RAD51B: variants seen among roughly 807,000 people sequenced by gnomAD.
The protein encoded by RAD51B is DNA repair protein RAD51 homolog 2.
Under a neutral mutation model 42.2 loss-of-function variants are expected in RAD51B, and 38 were observed. That is an observed-to-expected ratio of 0.90 (90% CI 0.70 to 1.18). The LOEUF is 1.18. Ranked by LOEUF, RAD51B falls within the 50% of genes most tolerant of loss-of-function variation. RAD51B has a pLI of 0.00. For missense variants in RAD51B, 373 were observed against 400.7 expected, an observed-to-expected ratio of 0.93 and a Z score of 0.59; for synonymous variants, 154 against 145.2, an observed-to-expected ratio of 1.06 and a Z score of -0.43.
intron 7 of RAD51B, among the ~76,000 whole-genome samples, chr14:68,230,249 AAG>A (rs762243452): frequency 1.4e-4 from 22 of 152,314 alleles, no homozygotes; most frequent in Non-Finnish European, 2.1e-4. Context: ...GAAAGGAAAA[AAG>A]AGTAATTTTT....
At chr14:67,981,082 G>T (rs1297614804) in intron 7 of RAD51B, among the ~76,000 whole-genome samples, 1 of 152,126 alleles carries the variant, frequency 6.6e-6, no homozygotes, top group East Asian at 1.9e-4. Flanking sequence ...GAGTATGGTG[G>T]ATTACATCTG....
chr14:68,404,869 G>A (rs2084220858), intron 8 of RAD51B, among the ~76,000 whole-genome samples: 1 of 152,188 alleles, frequency 6.6e-6, no homozygotes, highest in Admixed American at 6.5e-5. Context: ...GCTCAGATGA[G>A]TGATAAGATC....
At chr14:67,825,008 G>A (rs1309280398) in intron 2 of RAD51B, among the ~76,000 whole-genome samples, 1 of 149,290 alleles carries the variant, frequency 6.7e-6, no homozygotes, top group East Asian at 2.0e-4. Context: ...AACCCAGGAG[G>A]TGGAGGTTGC....
chr14:68,339,713 G>A (rs995049428), intron 8 of RAD51B, among the ~76,000 whole-genome samples: 9 of 152,162 alleles, frequency 5.9e-5, no homozygotes, highest in Non-Finnish European at 1.2e-4. Context: ...AACATTGAAT[G>A]TACTGTTCTC....
At chr14:68,113,207 A>T (rs1309333443) in intron 7 of RAD51B, among the ~76,000 whole-genome samples, 1 of 152,146 alleles carries the variant, frequency 6.6e-6, no homozygotes, top group Non-Finnish European at 1.5e-5. Context: ...AAGACACTAT[A>T]TTGAAAGCTG....
At chr14:68,045,632 T>C (rs935749666) in intron 7 of RAD51B, among the ~76,000 whole-genome samples, 1 of 152,198 alleles carries the variant, frequency 6.6e-6, no homozygotes, top group Non-Finnish European at 1.5e-5. Flanking sequence ...AAATGTTCTG[T>C]ACCTGCACAT....
At chr14:67,841,070 GATT>G (rs1450952258) in intron 4 of RAD51B, among the ~76,000 whole-genome samples, 4 of 152,350 alleles carry the variant, frequency 2.6e-5, no homozygotes, top group Middle Eastern at 3.4e-3. Flanking sequence ...AAATTGCTGA[GATT>G]ATAGGCATGA....
rs1157224034 is a variant in RAD51B, at chr14:67,887,123, A to G, written c.675A>G (p.Gln225=). 6.2e-7 allele frequency: 1 copy of G among 1,610,282 alleles called. No homozygotes were observed. Among genetic ancestry groups the G allele is most frequent in the African/African-American group, 1.3e-5 (1 of 74,832 alleles). The change falls in exon 7 of 11, where the codon CAA becomes CAG. Residue 225 remains glutamine (Q), a synonymous_variant. Transcript: ENST00000471583. ...GAAAGGAGTTTGATGCACAACTTCA[A>G]GGCAATCTCAAAGAAAGAAACAAGT... ...VVRKEFDAQL[Q]GNLKERNKFL...
At chr14:68,550,959 C>A (rs1888528470) in intron 10 of RAD51B, among the ~76,000 whole-genome samples, 3 of 152,124 alleles carry the variant, frequency 2.0e-5, no homozygotes, top group Admixed American at 6.5e-5. Flanking sequence ...AATGAACATC[C>A]TAGCAGAGGG....
chr14:68,148,634 G>A lies in RAD51B; in HGVS notation c.757-143250G>A, dbSNP rs1595470953. ...AAATTTTGAATGTTGATCTTTTCCT[G>A]GGCTAGTGATATGTGTTACGATACT... On this transcript the variant is annotated intron_variant, in intron 7 of 10. Coordinates refer to ENST00000471583, the MANE Select transcript of RAD51B (RefSeq NM_133510.4). Among the ~76,000 whole-genome samples, 3 of 152,164 alleles carry A rather than the reference G, an allele frequency of 2.0e-5. No individual in the cohort carries two copies. In the East Asian group the frequency reaches 5.8e-4, roughly 29 times the overall value.
At chr14:68,503,585 G>A (rs942042883) in intron 10 of RAD51B, among the ~76,000 whole-genome samples, 3 of 152,166 alleles carry the variant, frequency 2.0e-5, no homozygotes, top group Non-Finnish European at 2.9e-5. Flanking sequence ...GAGAGGTGAC[G>A]AGAGGCTCTC....
chr14:68,498,945 A>G (rs1426211214), intron 10 of RAD51B, among the ~76,000 whole-genome samples: 1 of 152,112 alleles, frequency 6.6e-6, no homozygotes, highest in Non-Finnish European at 1.5e-5. Context: ...ATGGATCTCT[A>G]TGGTTGAATA....
intron 7 of RAD51B, among the ~76,000 whole-genome samples, chr14:68,087,914 A>ATT (rs2077015478): frequency 2.5e-5 from 3 of 122,120 alleles, no homozygotes; most frequent in African/African-American, 1.0e-4. Context: ...ATAATTATAT[A>ATT]ATATATTATA....
intron 7 of RAD51B, among the ~76,000 whole-genome samples, chr14:68,067,874 G>C (rs1052123474): frequency 2.7e-5 from 4 of 146,350 alleles, no homozygotes; most frequent in Non-Finnish European, 3.0e-5. Context: ...AGAGGTTGCG[G>C]TGAGTCATGA....
At chr14:68,311,583 CA>C (rs2081968671) in intron 8 of RAD51B, among the ~76,000 whole-genome samples, 1 of 152,136 alleles carries the variant, frequency 6.6e-6, no homozygotes, top group South Asian at 2.1e-4. Context: ...GTGAGGAGGA[CA>C]AGATTTAAAG....
chr14:68,435,876 A>AT (rs925629709), intron 9 of RAD51B, among the ~76,000 whole-genome samples: 16 of 151,710 alleles, frequency 1.1e-4, no homozygotes, highest in Admixed American at 9.8e-4. Flanking sequence ...GGGGTTATTT[A>AT]TTTTTTGCTT....
chr14:68,410,933 T>C (rs1029052818), intron 8 of RAD51B, among the ~76,000 whole-genome samples: 5 of 143,760 alleles, frequency 3.5e-5, no homozygotes, highest in Non-Finnish European at 6.3e-5. Flanking sequence ...TTTTTTGCGT[T>C]GTGTATACGG....
intron 10 of RAD51B, among the ~76,000 whole-genome samples, chr14:68,539,196 C>T (rs913830363): frequency 6.6e-6 from 1 of 152,162 alleles, no homozygotes; most frequent in Non-Finnish European, 1.5e-5. Flanking sequence ...CCATGCCATG[C>T]GAACTGGAAA....
intron 7 of RAD51B, among the ~76,000 whole-genome samples, chr14:68,083,181 C>T (rs1274085931): frequency 1.3e-5 from 2 of 152,128 alleles, no homozygotes; most frequent in African/African-American, 4.8e-5. Flanking sequence ...AAAATGGGAA[C>T]CACCTAAGAT....
Sources: gnomAD v4.1 joint callset for allele counts (sites outside exome capture counted in the v4.1 genomes callset) on GRCh38, gnomAD v4.1.1 for gene constraint, MANE v1.5 for transcripts, NCBI Gene and HGNC (gene_info 2026-07-23, HGNC 2026-07-21) for gene names.